The following SPNS2 variants were observed in gnomAD, a reference collection of about 807,000 sequenced individuals.
SPNS2 encodes the protein SPNS lysolipid transporter 2, sphingosine-1-phosphate.
Under a neutral mutation model 57.6 loss-of-function variants are expected in SPNS2, and 37 were observed. The ratio of observed to expected loss-of-function variants is 0.64; its 90% confidence interval spans 0.49 to 0.85. The LOEUF is 0.85. Among genes scored for constraint, SPNS2 ranks in the 40% least tolerant of loss-of-function variants. The pLI is 0.00. For missense variants in SPNS2, 831 were observed against 779.1 expected (o/e 1.07, Z -0.79); for synonymous variants, 440 against 346.9 (o/e 1.27, Z -2.98).
At chr17:4,513,990 C>T (rs1284576489) in intron 2 of SPNS2, among the ~76,000 whole-genome samples, 1 of 152,234 alleles carries the variant, frequency 6.6e-6, no homozygotes, top group African/African-American at 2.4e-5. Flanking sequence ...GCACTTATGG[C>T]AGCCCACCAG....
chr17:4,502,379 C>CAA (rs11327895), intron 1 of SPNS2, among the ~76,000 whole-genome samples: 13 of 138,958 alleles, frequency 9.4e-5, no homozygotes, highest in South Asian at 2.2e-4. Flanking sequence ...GGCTCTGTCT[C>CAA]AAAAAAAAAA....
At chr17:4,532,127 TATCTATCCGTTC>T (rs1905506403) in intron 5 of SPNS2, among the ~76,000 whole-genome samples, 1 of 151,058 alleles carries the variant, frequency 6.6e-6, no homozygotes, top group African/African-American at 2.4e-5. Flanking sequence ...TCCGTCCGTC[TATCTATCCGTTC>T]ATCCATCTGT....
chr17:4,534,371 C>G (rs575648292), intron 9 of SPNS2: 16 of 187,272 alleles, frequency 8.5e-5, no homozygotes, highest in African/African-American at 3.2e-4. Flanking sequence ...TGGGAGCACC[C>G]TGGGAGGAGC....
At chr17:4,532,812 G>T in intron 6 of SPNS2, 128 bp downstream of exon 6, 1 of 1,444,110 alleles carries the variant, frequency 6.9e-7, no homozygotes, top group East Asian at 2.3e-5. Flanking sequence ...AGTGCTGGGA[G>T]GGACATTTTG....
chr17:4,534,666 C>A (rs560408370), intron 9 of SPNS2, among the ~76,000 whole-genome samples: 14 of 152,126 alleles, frequency 9.2e-5, no homozygotes, highest in Non-Finnish European at 1.3e-4. Flanking sequence ...AGCCTCCGGG[C>A]GTATCCGCTT....
chr17:4,523,668 T>C (rs925396283), intron 2 of SPNS2, among the ~76,000 whole-genome samples: 3 of 151,808 alleles, frequency 2.0e-5, no homozygotes, highest in African/African-American at 7.3e-5. Context: ...CTCGTGAGGC[T>C]GAGGCAGAGG....
chr17:4,533,232 T>G lies in SPNS2; in HGVS notation c.1089-11T>G. The G allele has an allele frequency of 6.3e-7, 1 of 1,591,322 alleles. No homozygotes were observed. Reference sequence around the variant, plus strand: ...CCTCAACTCGTGCGCCACCATCCTCTGTCCCCACAGCCTCATCTTTGGGGC... The same window carrying G: ...CCTCAACTCGTGCGCCACCATCCTCGGTCCCCACAGCCTCATCTTTGGGGC... On this transcript the variant is annotated splice_polypyrimidine_tract_variant and intron_variant, in intron 7 of 12. Coordinates refer to ENST00000329078, the MANE Select transcript of SPNS2 (RefSeq NM_001124758.3).
chr17:4,534,272 A>T (rs78555253), intron 9 of SPNS2: 5,080 of 255,176 alleles, frequency 0.02, 124 homozygotes, highest in African/African-American at 0.067. Context: ...GGCTGTCTTC[A>T]CAGGGCCAAC....
At chr17:4,520,046 G>A in intron 2 of SPNS2, among the ~76,000 whole-genome samples, 1 of 152,196 alleles carries the variant, frequency 6.6e-6, no homozygotes, top group South Asian at 2.1e-4. Context: ...ATGTCCCAAG[G>A]GAAGACACTG....
In SPNS2 at chr17:4,498,881, G is replaced by A; in HGVS notation, c.-167G>A. The A allele has an allele frequency of 4.4e-6, 1 of 227,286 alleles. No individual in the cohort carries two copies. The highest frequency in any genetic ancestry group is 7.3e-6 in the Non-Finnish European group (1 of 137,110). 14.1% of individuals were successfully genotyped at this position (227,286 alleles called of 1,614,324 possible). A position where few individuals can be genotyped will look rare whatever the true frequency, so the allele number is the denominator to read the frequency against. ...TCAGAGCCGCGGCGGCGAACGAGGC[G>A]CAGCGAGCTGAGCGGTGGCAGCGCC... On this transcript the variant is annotated 5_prime_UTR_variant, in exon 1 of 13. Coordinates refer to ENST00000329078, the MANE Select transcript of SPNS2 (RefSeq NM_001124758.3).
At chr17:4,517,727 TG>T (rs1279358946) in intron 2 of SPNS2, among the ~76,000 whole-genome samples, 3 of 152,092 alleles carry the variant, frequency 2.0e-5, no homozygotes, top group Non-Finnish European at 4.4e-5. Context: ...ACCCTGAAGA[TG>T]GGAAAACAGA....
chr17:4,536,265 C>A lies in SPNS2; in HGVS notation c.1446C>A (p.Ile482=). 6.2e-7 allele frequency: 1 copy of A among 1,612,178 alleles called. No homozygotes were observed. The highest frequency in any genetic ancestry group is 8.5e-7 in the Non-Finnish European group (1 of 1,179,806). ...CATCCACCCCCAAATCCTCGCAGAT[C>A]TCAGACCTGATCCGCCAGAGCACTA... is the stretch of plus-strand genomic sequence containing the variant. ...DAGSPYLIGF[I]SDLIRQSTKD... is the part of the protein sequence containing the mutation. The change falls in exon 11 of 13, where the codon ATC becomes ATA. Residue 482 remains isoleucine (I), a splice_region_variant and synonymous_variant. Transcript: ENST00000329078.
chr17:4,535,235 C>A (rs1393320578), intron 9 of SPNS2, among the ~76,000 whole-genome samples: 2 of 152,098 alleles, frequency 1.3e-5, no homozygotes, highest in Admixed American at 6.5e-5. Context: ...TAGGTTGGGG[C>A]CTGCTTGGTC....
At position 4,516,354 on chromosome 17, in the gene SPNS2, G is replaced by A. The variant is rs971540902; in HGVS notation, c.436+3042G>A. On this transcript the variant is annotated intron_variant, in intron 2 of 12. Coordinates refer to ENST00000329078, the MANE Select transcript of SPNS2 (RefSeq NM_001124758.3). ...AAAAAAAAAAAAAAACAAAAAAACC[G>A]CTCATAGGTTTTGCTGTTTTGGGAA... Among the ~76,000 whole-genome samples the A allele has an allele frequency of 3.0e-3, 357 of 119,438 alleles. 12 individuals are homozygous for A. The highest frequency in any genetic ancestry group is 9.2e-3 in the African/African-American group (279 of 30,448). The allele number at this position is 119,438 out of a possible 152,430, so 78.4% of individuals were successfully genotyped here. A position where few individuals can be genotyped will look rare whatever the true frequency, so the allele number is the denominator to read the frequency against.
rs1904372564 is a variant in SPNS2, at chr17:4,499,146, G to T, written c.99G>T (p.Gly33=). ...RRRRRRGAQR[G]AGGSGCCGAR... is the part of the protein sequence containing the mutation. ...GCCGGCGCCGGGGGGCGCAGCGAGG[G>T]GCTGGCGGTAGCGGTTGCTGCGGGG... The change falls in exon 1 of 13, where the codon GGG becomes GGT. Residue 33 remains glycine, a synonymous_variant. Coordinates refer to ENST00000329078, the MANE Select transcript of SPNS2 (RefSeq NM_001124758.3). This position sits in a 1 kb window ranked among gnomAD's most constrained non-coding sequence, Gnocchi z 5.2. 1.7e-6 allele frequency: 2 copies of T among 1,188,506 alleles called. No homozygotes were observed. Among genetic ancestry groups the T allele is most frequent in the Non-Finnish European group, 2.1e-6 (2 of 960,374 alleles). The allele number at this position is 1,188,506 out of a possible 1,614,324, so 73.6% of individuals were successfully genotyped here.
At chr17:4,530,499 A>G (rs1383028617) in intron 3 of SPNS2, 133 bp from the exon 4 acceptor site, 19 of 1,071,328 alleles carry the variant, frequency 1.8e-5, no homozygotes, top group Non-Finnish European at 2.6e-5. Context: ...ACGGAGGTGC[A>G]GCCCACCAGC....
chr17:4,520,239 A>G (rs1029488588), intron 2 of SPNS2, among the ~76,000 whole-genome samples: 1 of 152,010 alleles, frequency 6.6e-6, no homozygotes, highest in African/African-American at 2.4e-5. Flanking sequence ...GTGGGTGGGG[A>G]CGGGGCGTGC....
intron 3 of SPNS2, among the ~76,000 whole-genome samples, chr17:4,530,265 G>A (rs892966246): frequency 7.9e-5 from 12 of 152,184 alleles, no homozygotes; most frequent in Non-Finnish European, 5.9e-5. Flanking sequence ...TGAGGCTCCC[G>A]AAGTGAAGTC....
chr17:4,538,444 C>T lies in SPNS2; in HGVS notation c.*996C>T, dbSNP rs952898192. 5.0e-6 allele frequency: 1 copy of T among 198,194 alleles called. No homozygotes were observed. The highest frequency in any genetic ancestry group is 2.4e-5 in the African/African-American group (1 of 40,990). 12.3% of individuals were successfully genotyped at this position (198,194 alleles called of 1,614,324 possible). On this transcript the variant is annotated 3_prime_UTR_variant, in exon 13 of 13. Transcript: ENST00000329078. ...GAGGCGGCCCCTACCCAAACACTGGCTGCTGGCATTCCACCAAGTGACCCC... is the reference window on the plus strand; with the variant it reads ...GAGGCGGCCCCTACCCAAACACTGGTTGCTGGCATTCCACCAAGTGACCCC...
Sources: gnomAD v4.1 joint callset for allele counts (sites outside exome capture counted in the v4.1 genomes callset) on GRCh38, gnomAD v4.1.1 for gene constraint, Gnocchi (gnomAD v3.1) non-coding constraint, MANE v1.5 for transcripts, NCBI Gene and HGNC (gene_info 2026-07-23, HGNC 2026-07-21) for gene names.